SEC22C: variants seen among roughly 807,000 people sequenced by gnomAD.
SEC22C encodes vesicle-trafficking protein SEC22c.
A neutral mutation model predicts 34.7 loss-of-function variants in SEC22C; 29 were observed. The ratio of observed to expected loss-of-function variants is 0.84; its 90% CI spans 0.62 to 1.14. The LOEUF (loss-of-function observed/expected upper bound fraction) is 1.14, where lower values mean the gene tolerates loss of function less well. Among genes scored for constraint, SEC22C ranks in the 50% most tolerant of loss-of-function variants. The pLI, the probability that SEC22C is intolerant of heterozygous loss-of-function variation, is 0.00. For synonymous variants in SEC22C, 117 were observed against 132.8 expected (o/e 0.88, Z 0.82); for missense variants, 337 against 369.0 (o/e 0.91, Z 0.71).
Position 42,550,805 on chromosome 3 carries a change from T to C in SEC22C, c.*2443A>G, listed in dbSNP as rs982305312. The C allele has an allele frequency of 9.1e-6, 9 of 984,918 alleles. No homozygotes were observed. In the Admixed American group the frequency reaches 3.1e-4, roughly 34 times the overall value. The allele number at this position is 984,918 out of a possible 1,614,324, so 61.0% of individuals were successfully genotyped here. A position where few individuals can be genotyped will look rare whatever the true frequency, so the allele number is the denominator to read the frequency against. On this transcript the variant is annotated 3_prime_UTR_variant, in exon 7 of 7. Transcript: ENST00000264454. ...GCCCAAAGCACCTGGGGTACAGGTC[T>C]ACATGGCAACCCAATGCCACATAGG...
intron 4 of SEC22C, among the ~76,000 whole-genome samples, chr3:42,559,667 T>A (rs1702752843): frequency 6.6e-6 from 1 of 152,208 alleles, no homozygotes; most frequent in Non-Finnish European, 1.5e-5. Context: ...AACAAAGTAA[T>A]TAAGACTATT....
intron 1 of SEC22C, chr3:42,600,919 C>G: frequency 2.0e-5 from 21 of 1,046,584 alleles, no homozygotes; most frequent in Non-Finnish European, 2.5e-5. Context: ...CAGCCCCGCC[C>G]TCGCCCCTGC....
chr3:42,594,400 T>C (rs1364515238), intron 1 of SEC22C: 3 of 1,596,586 alleles, frequency 1.9e-6, no homozygotes. Context: ...CCTCTGATTT[T>C]TGCCTGTTTT....
At position 42,562,086 on chromosome 3, in the gene SEC22C, A is replaced by C. The variant is rs543284119; in HGVS notation, c.347-790T>G. Among the ~76,000 whole-genome samples the C allele has an allele frequency of 4.6e-5, 7 of 152,332 alleles. No homozygotes were observed. The South Asian group carries it at 1.5e-3, about 32-fold the overall frequency. On this transcript the variant is annotated intron_variant, in intron 3 of 6. Transcript: ENST00000264454. ...TGAAAAGTATTCATTTTAATTCTTAAATTTATGTTAGTATAAATCCATTAT... is the reference window on the plus strand; with the variant it reads ...TGAAAAGTATTCATTTTAATTCTTACATTTATGTTAGTATAAATCCATTAT...
chr3:42,557,051 T>C (rs1702573554), intron 5 of SEC22C, among the ~76,000 whole-genome samples: 1 of 152,206 alleles, frequency 6.6e-6, no homozygotes. Context: ...CTTCTCAAAA[T>C]ACTTCAAAAT....
At chr3:42,568,588 G>A (rs1703407093) in intron 2 of SEC22C, among the ~76,000 whole-genome samples, 1 of 151,274 alleles carries the variant, frequency 6.6e-6, no homozygotes, top group Non-Finnish European at 1.5e-5. Flanking sequence ...GGAGGTTGCA[G>A]TGAGCCAAGA....
In SEC22C at chr3:42,548,783, A is replaced by G. The variant is rs1577276757; in HGVS notation, c.*4465T>C. The G allele has an allele frequency of 7.2e-6, 11 of 1,519,456 alleles. No individual in the cohort carries two copies. In the South Asian group the frequency reaches 9.9e-5, roughly 14 times the overall value. 94.1% of individuals were successfully genotyped at this position (1,519,456 alleles called of 1,614,324 possible). On this transcript the variant is annotated 3_prime_UTR_variant, in exon 7 of 7. Coordinates refer to ENST00000264454, the MANE Select transcript of SEC22C (RefSeq NM_032970.4). ...AAAAAAATGAGGTTTACACTGTAGT[A>G]TAACAAAATGCCTTTTTGTAAAGGC... is the stretch of plus-strand genomic sequence containing the variant.
At chr3:42,597,785 T>C (rs935787281) in intron 1 of SEC22C, among the ~76,000 whole-genome samples, 2 of 152,204 alleles carry the variant, frequency 1.3e-5, no homozygotes, top group Non-Finnish European at 2.9e-5. Flanking sequence ...CAATTATTCT[T>C]CCAATGTGGC....
rs1186111358 is a variant in SEC22C, at chr3:42,581,923, A to T, written c.-105T>A. 2 of 152,166 alleles carry T rather than the reference A, an allele frequency of 1.3e-5. No homozygotes were observed. Among genetic ancestry groups the T allele is most frequent in the Non-Finnish European group, 2.9e-5 (2 of 68,092 alleles). 9.4% of individuals were successfully genotyped at this position (152,166 alleles called of 1,614,324 possible). A position where few individuals can be genotyped will look rare whatever the true frequency, so the allele number is the denominator to read the frequency against. On this transcript the variant is annotated 5_prime_UTR_variant, in exon 1 of 7. Coordinates refer to ENST00000264454, the MANE Select transcript of SEC22C (RefSeq NM_032970.4). Reference sequence around the variant, plus strand: ...TCCTCAGCAATCTTAGCCGACCGGGAGGGCTCGGCCCAGGTCACCGGCAGC... The same window carrying T: ...TCCTCAGCAATCTTAGCCGACCGGGTGGGCTCGGCCCAGGTCACCGGCAGC...
chr3:42,568,430 G>A (rs931500371), intron 2 of SEC22C, among the ~76,000 whole-genome samples: 2 of 151,978 alleles, frequency 1.3e-5, no homozygotes, highest in Non-Finnish European at 2.9e-5. Context: ...TGGATCACCT[G>A]AGATCTGGAA....
At chr3:42,591,197 TCTC>T (rs1704822537) in intron 1 of SEC22C, 1 of 560,972 alleles carries the variant, frequency 1.8e-6, no homozygotes, top group Non-Finnish European at 3.1e-6. Flanking sequence ...TAACCCTTTC[TCTC>T]CTTTTTTTTT....
upstream of SEC22C, among the ~76,000 whole-genome samples, chr3:42,586,669 T>A (rs930844115): frequency 3.9e-4 from 60 of 152,090 alleles, no homozygotes; most frequent in African/African-American, 1.4e-3. Context: ...TCAGTCTCCA[T>A]TGCAGCTTCT....
chr3:42,598,132 A>G (rs1705085655), intron 1 of SEC22C, among the ~76,000 whole-genome samples: 1 of 152,226 alleles, frequency 6.6e-6, no homozygotes, highest in South Asian at 2.1e-4. Context: ...ACCCACATTC[A>G]TAACAGTACT....
chr3:42,572,642 T>TC (rs1559525437), intron 1 of SEC22C, among the ~76,000 whole-genome samples: 6 of 152,276 alleles, frequency 3.9e-5, no homozygotes, highest in African/African-American at 1.4e-4. Context: ...AATAAGACAG[T>TC]CCCTTGCTTC....
chr3:42,552,306 C>CAGT lies in SEC22C; in HGVS notation c.*939_*941dup. The stretch of plus-strand genomic sequence containing the variant: ...GCTCTGGGAACAGGTACACAGGGTA[C>CAGT]AGTAGTCATCATCATTAAAACAACA... On this transcript the variant is annotated 3_prime_UTR_variant, in exon 7 of 7. Coordinates refer to ENST00000264454, the MANE Select transcript of SEC22C (RefSeq NM_032970.4). The CAGT allele has an allele frequency of 1.0e-6, 1 of 985,364 alleles. No homozygotes were observed. The highest frequency in any genetic ancestry group is 1.2e-6 in the Non-Finnish European group (1 of 829,918). The allele number at this position is 985,364 out of a possible 1,614,324, so 61.0% of individuals were successfully genotyped here. A position where few individuals can be genotyped will look rare whatever the true frequency, so the allele number is the denominator to read the frequency against.
exon 1 of SEC22C, chr3:42,600,988 T>C: frequency 6.4e-7 from 1 of 1,551,414 alleles, no homozygotes; most frequent in Non-Finnish European, 8.7e-7. Flanking sequence ...TCCCAGCTCT[T>C]GCCGCCACCT....
intron 1 of SEC22C, among the ~76,000 whole-genome samples, chr3:42,580,106 A>T (rs1028451956): frequency 2.6e-5 from 4 of 152,178 alleles, no homozygotes; most frequent in Non-Finnish European, 5.9e-5. Flanking sequence ...CATGTCATAG[A>T]TTATCTCTGT....
intron 1 of SEC22C, among the ~76,000 whole-genome samples, chr3:42,580,211 C>T (rs775144637): frequency 6.6e-6 from 1 of 152,020 alleles, no homozygotes; most frequent in Non-Finnish European, 1.5e-5. Flanking sequence ...AAGCCCCTAC[C>T]ACATGCACTG....
At chr3:42,590,421 G>A (rs1231661746) in intron 1 of SEC22C, among the ~76,000 whole-genome samples, 4 of 152,090 alleles carry the variant, frequency 2.6e-5, no homozygotes, top group Non-Finnish European at 5.9e-5. Flanking sequence ...ACGAGGTCAG[G>A]AGACCGAGAC....
Sources: allele counts gnomAD v4.1 joint callset (sites outside exome capture counted in the v4.1 genomes callset), GRCh38; gene constraint gnomAD v4.1.1; transcripts MANE v1.5; gene names NCBI Gene and HGNC (gene_info 2026-07-23, HGNC 2026-07-21).